CTNNA3: variants seen among roughly 807,000 people sequenced by gnomAD.
CTNNA3 encodes catenin alpha-3.
In CTNNA3, 76 loss-of-function variants were observed where a neutral mutation model predicts 95.7. The observed-to-expected ratio is 0.79, with a 90% CI of 0.66 to 0.96. The LOEUF (loss-of-function observed/expected upper bound fraction) is 0.96. CTNNA3 is among the 40% of genes least tolerant of loss of function. The pLI is 0.00. For missense variants in CTNNA3, 1,191 were observed against 1,089.8 expected (o/e 1.09, Z -1.31); for synonymous variants, 431 against 374.4 (o/e 1.15, Z -1.74).
intron 11 of CTNNA3, among the ~76,000 whole-genome samples, chr10:66,426,815 T>TA (rs60332701): frequency 6.6e-6 from 1 of 150,902 alleles, no homozygotes; most frequent in South Asian, 2.1e-4. Flanking sequence ...CCTCTGTCTT[T>TA]AAAAAAAAAT....
At chr10:66,327,027 C>T (rs1030277552) in intron 12 of CTNNA3, among the ~76,000 whole-genome samples, 1 of 152,004 alleles carries the variant, frequency 6.6e-6, no homozygotes, top group African/African-American at 2.4e-5. Context: ...CAACTGCATG[C>T]TCACAAAGAT....
At chr10:66,157,153 T>C (rs1321086507) in intron 13 of CTNNA3, among the ~76,000 whole-genome samples, 1 of 151,914 alleles carries the variant, frequency 6.6e-6, no homozygotes, top group Non-Finnish European at 1.5e-5. Flanking sequence ...CCAAGTAGTA[T>C]ACGCTGCACC....
At chr10:67,430,820 T>TACAC (rs371146065) in intron 5 of CTNNA3, among the ~76,000 whole-genome samples, 6,032 of 138,796 alleles carry the variant, frequency 0.043, 182 homozygotes, top group South Asian at 0.083. Context: ...CAAACATAAC[T>TACAC]ACACACACAC....
chr10:67,714,824 G>A (rs1716346799), intron 1 of CTNNA3, among the ~76,000 whole-genome samples: 1 of 152,178 alleles, frequency 6.6e-6, no homozygotes, highest in African/African-American at 2.4e-5. Context: ...TATTCTCAGT[G>A]AATAAGTCTC....
intron 5 of CTNNA3, among the ~76,000 whole-genome samples, chr10:67,262,393 G>A (rs1866655709): frequency 6.6e-6 from 1 of 152,162 alleles, no homozygotes; most frequent in South Asian, 2.1e-4. Flanking sequence ...AACTGGCTCT[G>A]CAGCTGACCC....
In CTNNA3 at chr10:66,115,230, TC is replaced by T. The variant is rs564636208; in HGVS notation, c.1885-11982del. ...CTGATGTGGACACAGAAAAAATCTT[TC>T]GATTGACAAGAGGAAAATTGCAGTG... On this transcript the variant is annotated intron_variant, in intron 13 of 17. Coordinates refer to ENST00000433211, the MANE Select transcript of CTNNA3 (RefSeq NM_013266.4). Among the ~76,000 whole-genome samples the T allele has an allele frequency of 8.5e-4, 130 of 152,276 alleles. 1 individual carries two copies. Among genetic ancestry groups the T allele is most frequent in the African/African-American group, 3.0e-3 (126 of 41,556 alleles).
intron 7 of CTNNA3, among the ~76,000 whole-genome samples, chr10:66,798,582 A>G (rs1444485824): frequency 6.6e-6 from 1 of 151,582 alleles, no homozygotes; most frequent in East Asian, 1.9e-4. Context: ...TCGACATCTA[A>G]TTGGAAACTC....
intron 12 of CTNNA3, among the ~76,000 whole-genome samples, chr10:66,350,235 A>C (rs2092556430): frequency 6.6e-6 from 1 of 152,104 alleles, no homozygotes; most frequent in South Asian, 2.1e-4. Context: ...TACTCACTGA[A>C]AGACACATAA....
intron 11 of CTNNA3, among the ~76,000 whole-genome samples, chr10:66,494,127 C>T (rs577577093): frequency 9.9e-5 from 15 of 151,362 alleles, no homozygotes; most frequent in Middle Eastern, 6.9e-3. Flanking sequence ...AGGCTGGTCT[C>T]GAACTCCTGA....
intron 5 of CTNNA3, among the ~76,000 whole-genome samples, chr10:67,489,377 A>G (rs1848569327): frequency 6.6e-6 from 1 of 152,156 alleles, no homozygotes; most frequent in African/African-American, 2.4e-5. Context: ...ACCCACAAAA[A>G]CAAATTAGTC....
rs542129372 is a variant in CTNNA3 at position 67,564,311 on chromosome 10, T to C, written c.293-24642A>G. On this transcript the variant is annotated intron_variant, in intron 3 of 17. Coordinates refer to ENST00000433211, the MANE Select transcript of CTNNA3 (RefSeq NM_013266.4). ...ATATAATCCATGGAATACTATGCAG[T>C]CATAAAAAAGGATGGGTTGATGTCC... 7.5e-4 allele frequency among the ~76,000 whole-genome samples: 112 copies of C among 149,444 alleles called. 3 individuals carry two copies. Among genetic ancestry groups the C allele is most frequent in the Admixed American group, 5.3e-3 (79 of 14,924 alleles).
chr10:67,207,083 A>G (rs1405746104), intron 6 of CTNNA3, among the ~76,000 whole-genome samples: 2 of 152,144 alleles, frequency 1.3e-5, no homozygotes, highest in Non-Finnish European at 2.9e-5. Context: ...GTGAGCCGAG[A>G]TCGCACCATT....
chr10:66,583,995 T>C (rs1307137751), intron 10 of CTNNA3, among the ~76,000 whole-genome samples: 1 of 151,802 alleles, frequency 6.6e-6, no homozygotes, highest in Non-Finnish European at 1.5e-5. Context: ...GTTTTGAGGG[T>C]TCCTTTTGGA....
At chr10:67,189,148 A>AG in intron 6 of CTNNA3, among the ~76,000 whole-genome samples, 1 of 150,784 alleles carries the variant, frequency 6.6e-6, no homozygotes, top group South Asian at 2.1e-4. Context: ...ACAACAAAAA[A>AG]AAAAACAGAA....
rs940679038 is a variant in CTNNA3, at chr10:66,064,344, C to A, written c.2159+4964G>T. Among the ~76,000 whole-genome samples the A allele has an allele frequency of 2.6e-5, 4 of 152,166 alleles. No individual in the cohort carries two copies. In the East Asian group the frequency reaches 7.7e-4, roughly 29 times the overall value. ...TCAAGATAAGATCCGGATGGGGACA[C>A]AAAGCCTAACCATATTATTGATGGT... On this transcript the variant is annotated intron_variant, in intron 15 of 17. Transcript: ENST00000433211.
chr10:67,704,434 G>A (rs1244658935), intron 1 of CTNNA3, among the ~76,000 whole-genome samples: 3 of 152,146 alleles, frequency 2.0e-5, no homozygotes, highest in Admixed American at 6.5e-5. Context: ...CAGAGATATA[G>A]ATCAATGGAA....
chr10:66,590,705 T>C (rs1843520138), intron 10 of CTNNA3, among the ~76,000 whole-genome samples: 1 of 152,108 alleles, frequency 6.6e-6, no homozygotes, highest in South Asian at 2.1e-4. Flanking sequence ...AAAATAGTTA[T>C]AGTTTGCCTT....
At chr10:66,310,109 C>T (rs1166460512) in intron 12 of CTNNA3, among the ~76,000 whole-genome samples, 1 of 150,778 alleles carries the variant, frequency 6.6e-6, no homozygotes, top group Non-Finnish European at 1.5e-5. Flanking sequence ...CAGGGTGAGA[C>T]TCCATCTCAA....
chr10:66,696,397 C>T lies in CTNNA3; in HGVS notation c.1281+69867G>A, dbSNP rs145011128. On this transcript the variant is annotated intron_variant, in intron 9 of 17. Transcript: ENST00000433211. The stretch of plus-strand genomic sequence containing the variant: ...ATTATAGACTATCCACGATTTAAAC[C>T]TTCAAGCTGGCAATATGTATTTAAA... Among the ~76,000 whole-genome samples, 923 of 152,216 alleles carry T rather than the reference C, an allele frequency of 6.1e-3. 10 individuals are homozygous for T. The highest frequency in any genetic ancestry group is 0.016 in the African/African-American group (675 of 41,538).
Sources: gnomAD v4.1 joint callset for allele counts (sites outside exome capture counted in the v4.1 genomes callset) on GRCh38, gnomAD v4.1.1 for gene constraint, MANE v1.5 for transcripts, NCBI Gene and HGNC (gene_info 2026-07-23, HGNC 2026-07-21) for gene names.